The following EPHA5 variants were observed in gnomAD, a reference collection of about 807,000 sequenced individuals.
EPHA5 encodes the protein ephrin type-A receptor 5.
In EPHA5, 60 loss-of-function variants were observed where a neutral mutation model predicts 105.0. The observed-to-expected ratio is 0.57, with a 90% CI of 0.46 to 0.71. EPHA5 has a LOEUF of 0.71. Among genes scored for constraint, EPHA5 ranks in the 30% least tolerant of loss-of-function variants. The pLI, the probability that EPHA5 is intolerant of heterozygous loss-of-function variation, is 0.00. For synonymous variants in EPHA5, 513 were observed against 449.1 expected (o/e 1.14, Z -1.80); for missense variants, 1,218 against 1,274.7 (o/e 0.96, Z 0.68).
chr4:65,609,790 A>C (rs1045808277), intron 2 of EPHA5, among the ~76,000 whole-genome samples: 8 of 151,200 alleles, frequency 5.3e-5, no homozygotes, highest in Non-Finnish European at 1.0e-4. Flanking sequence ...TAAAATACAC[A>C]CAATTAGAAC....
intron 3 of EPHA5, among the ~76,000 whole-genome samples, chr4:65,509,978 A>G (rs1398960928): frequency 6.6e-6 from 1 of 151,348 alleles, no homozygotes; most frequent in African/African-American, 2.4e-5. Context: ...TGTTCTAACC[A>G]TTGTGGACGA....
chr4:65,369,964 C>T (rs1718296737), intron 8 of EPHA5, among the ~76,000 whole-genome samples: 1 of 152,072 alleles, frequency 6.6e-6, no homozygotes, highest in African/African-American at 2.4e-5. Context: ...TAGACTCCAT[C>T]TCAACAACAA....
chr4:65,486,581 C>T (rs771080546), intron 5 of EPHA5, among the ~76,000 whole-genome samples: 2 of 152,170 alleles, frequency 1.3e-5, no homozygotes, highest in Non-Finnish European at 2.9e-5. Flanking sequence ...TTTGGAGGAT[C>T]TCAAAACTAA....
intron 8 of EPHA5, among the ~76,000 whole-genome samples, chr4:65,386,339 C>T (rs1720082883): frequency 6.6e-6 from 1 of 151,864 alleles, no homozygotes; most frequent in African/African-American, 2.4e-5. Context: ...ATTAAATAAG[C>T]AACGATGTTC....
intron 14 of EPHA5, among the ~76,000 whole-genome samples, chr4:65,346,498 T>C (rs1469146434): frequency 6.6e-6 from 1 of 152,130 alleles, no homozygotes; most frequent in Non-Finnish European, 1.5e-5. Flanking sequence ...CCACCTCACA[T>C]GTATATTTTA....
At chr4:65,646,484 T>C (rs1396212462) in intron 1 of EPHA5, among the ~76,000 whole-genome samples, 1 of 152,202 alleles carries the variant, frequency 6.6e-6, no homozygotes, top group Non-Finnish European at 1.5e-5. Flanking sequence ...AGTGGATGAA[T>C]ACTTGCTTCT....
At chr4:65,557,992 T>C (rs919418192) in intron 3 of EPHA5, among the ~76,000 whole-genome samples, 4 of 151,986 alleles carry the variant, frequency 2.6e-5, no homozygotes, top group Non-Finnish European at 5.9e-5. Context: ...TTCTCATGCC[T>C]AAGCTTCCAG....
intron 3 of EPHA5, among the ~76,000 whole-genome samples, chr4:65,541,621 A>G (rs1348285164): frequency 6.6e-6 from 1 of 151,938 alleles, no homozygotes; most frequent in African/African-American, 2.4e-5. Flanking sequence ...GAGACCTACA[A>G]AGAGACTTAG....
At position 65,320,913 on chromosome 4, in the gene EPHA5, T is replaced by A. The variant is rs977973909; in HGVS notation, c.*3201A>T. 1 of 230,320 alleles carries A rather than the reference T, an allele frequency of 4.3e-6. No homozygotes were observed. Among genetic ancestry groups the A allele is most frequent in the African/African-American group, 2.2e-5 (1 of 45,152 alleles). 14.3% of individuals were successfully genotyped at this position (230,320 alleles called of 1,614,324 possible). A position where few individuals can be genotyped will look rare whatever the true frequency, so the allele number is the denominator to read the frequency against. The stretch of plus-strand genomic sequence containing the variant: ...AATCTTACAACCTTAGAATACTGAC[T>A]TGGTAATTGAAACACAAGAAATAAA... On this transcript the variant is annotated 3_prime_UTR_variant, in exon 17 of 17. Coordinates refer to ENST00000613740, the MANE Select transcript of EPHA5 (RefSeq NM_001281766.3).
chr4:65,423,842 T>C (rs1415909576), intron 5 of EPHA5, among the ~76,000 whole-genome samples: 1 of 151,964 alleles, frequency 6.6e-6, no homozygotes, highest in Non-Finnish European at 1.5e-5. Context: ...TTGAGTGTGT[T>C]TCTTGCCACT....
In EPHA5 at chr4:65,601,649, G is replaced by A. The variant is rs758618664; in HGVS notation, c.902C>T (p.Thr301Ile). ...CKAGYEEKNGTCQVCRPGFFK... is the reference protein window; with the variant it reads ...CKAGYEEKNGICQVCRPGFFK... ...TGGAGGCAAACTCTTACCTTGACAG[G>A]TGCCATTTTTCTCTTCATATCCTGC... Residue 301 changes from threonine (T) to isoleucine (I), a missense_variant, in exon 3 of 17, where the codon ACC becomes ATC. Physicochemically the swap from Thr to Ile is moderately conservative, Grantham distance 89. Around this residue, in one of 3 missense-constraint regions of EPHA5, gnomAD observed 971 missense variants for 1,013.5 expected, o/e 0.96. Transcript: ENST00000613740. 3.1e-6 allele frequency: 5 copies of A among 1,612,672 alleles called. No individual in the cohort carries two copies. The East Asian group carries it at 8.9e-5, about 29-fold the overall frequency.
At chr4:65,462,965 CT>C (rs1728266325) in intron 5 of EPHA5, among the ~76,000 whole-genome samples, 1 of 152,092 alleles carries the variant, frequency 6.6e-6, no homozygotes, top group Non-Finnish European at 1.5e-5. Context: ...ACTTAGGTCT[CT>C]AAAGAAATTT....
chr4:65,478,685 T>C (rs1730066191), intron 5 of EPHA5, among the ~76,000 whole-genome samples: 1 of 152,214 alleles, frequency 6.6e-6, no homozygotes, highest in Non-Finnish European at 1.5e-5. Flanking sequence ...CTGGCCAGGC[T>C]GGTCTCAAAC....
At chr4:65,423,381 C>G (rs952618841) in intron 5 of EPHA5, among the ~76,000 whole-genome samples, 3 of 152,044 alleles carry the variant, frequency 2.0e-5, no homozygotes, top group Non-Finnish European at 2.9e-5. Context: ...GGAAGAAAGT[C>G]ACTATTTGTA....
chr4:65,351,460 CAAG>C lies in EPHA5; in HGVS notation c.2371_2373del (p.Leu791del). 6.2e-7 allele frequency: 1 copy of C among 1,613,834 alleles called. No homozygotes were observed. Among genetic ancestry groups the C allele is most frequent in the Non-Finnish European group, 8.5e-7 (1 of 1,179,838 alleles). ...AGTCCAAAGTCAGACACTTTGCACA[CAAG>C]GTTACTGTTGATTAAGATGTTTCTG... On this transcript the variant is annotated inframe_deletion, in exon 13 of 17. Transcript: ENST00000613740.
rs972133951 is a variant in EPHA5, at chr4:65,582,749, A to G, written c.910+18892T>C. ...TTAATTATGTGATTTCTGAAAAAAG[A>G]GGTAAAGGAGAAAATTGCCAATTTA... On this transcript the variant is annotated intron_variant, in intron 3 of 16. Coordinates refer to ENST00000613740, the MANE Select transcript of EPHA5 (RefSeq NM_001281766.3). 5.9e-5 allele frequency among the ~76,000 whole-genome samples: 9 copies of G among 151,680 alleles called. No homozygotes were observed. The Admixed American group carries it at 5.9e-4, about 10-fold the overall frequency.
intron 2 of EPHA5, among the ~76,000 whole-genome samples, chr4:65,613,788 A>G (rs2149463300): frequency 6.6e-6 from 1 of 152,140 alleles, no homozygotes; most frequent in Non-Finnish European, 1.5e-5. Flanking sequence ...GTTTAGTGAT[A>G]GCTCTCCAAT....
intron 3 of EPHA5, among the ~76,000 whole-genome samples, chr4:65,538,129 A>G (rs1472149054): frequency 6.6e-6 from 1 of 151,784 alleles, no homozygotes; most frequent in East Asian, 1.9e-4. Flanking sequence ...TTAAACAAAC[A>G]AAAAATCTGC....
chr4:65,486,743 G>A (rs1730920106), intron 5 of EPHA5, among the ~76,000 whole-genome samples: 2 of 152,192 alleles, frequency 1.3e-5, no homozygotes, highest in Admixed American at 1.3e-4. Context: ...TTGCCATGGT[G>A]GCATTAAACT....
Sources: allele counts gnomAD v4.1 joint callset (sites outside exome capture counted in the v4.1 genomes callset), GRCh38; gene constraint gnomAD v4.1.1; regional missense constraint gnomAD v4.1.1; transcripts MANE v1.5; gene names NCBI Gene and HGNC (gene_info 2026-07-23, HGNC 2026-07-21).